RABGAP1L: variants seen among roughly 807,000 people sequenced by gnomAD.
RABGAP1L encodes the protein rab GTPase-activating protein 1-like.
Under a neutral mutation model 137.7 loss-of-function variants are expected in RABGAP1L, and 63 were observed. The ratio of observed to expected loss-of-function variants is 0.46; its 90% CI spans 0.37 to 0.56. RABGAP1L has a LOEUF of 0.56. Ranked by LOEUF, RABGAP1L falls within the 20% of genes least tolerant of loss-of-function variation. RABGAP1L has a pLI of 0.00. For missense variants in RABGAP1L, 1,095 were observed against 1,244.0 expected (o/e 0.88, Z 1.80); for synonymous variants, 431 against 433.7 (o/e 0.99, Z 0.08).
intron 11 of RABGAP1L, among the ~76,000 whole-genome samples, chr1:174,311,315 T>A (rs927889050): frequency 6.6e-6 from 1 of 152,128 alleles, no homozygotes; most frequent in African/African-American, 2.4e-5. Context: ...TGAGAATTCA[T>A]TCACTATCAT....
At chr1:174,704,281 C>G (rs1419511215) in intron 17 of RABGAP1L, among the ~76,000 whole-genome samples, 1 of 152,176 alleles carries the variant, frequency 6.6e-6, no homozygotes, top group African/African-American at 2.4e-5. Context: ...CCAGATTCCT[C>G]TTTCTTAAAA....
chr1:174,799,750 C>A, intron 18 of RABGAP1L: 1 of 755,894 alleles, frequency 1.3e-6, no homozygotes, highest in Non-Finnish European at 1.6e-6. Flanking sequence ...TACTGATTCA[C>A]AGCGAGAGGC....
chr1:174,218,439 T>G (rs192513283), intron 1 of RABGAP1L, among the ~76,000 whole-genome samples: 7 of 152,304 alleles, frequency 4.6e-5, no homozygotes. Flanking sequence ...GATATGATAG[T>G]GAGTGTTGTT....
chr1:174,571,096 A>G (rs1360163440), intron 13 of RABGAP1L, among the ~76,000 whole-genome samples: 2 of 152,220 alleles, frequency 1.3e-5, no homozygotes, highest in African/African-American at 4.8e-5. Context: ...ACATAAAAAG[A>G]AGGAGATCCA....
chr1:174,246,031 A>G (rs139822760), intron 5 of RABGAP1L: 16 of 152,306 alleles, frequency 1.1e-4, no homozygotes, highest in African/African-American at 3.4e-4. Flanking sequence ...GAAACTAGCT[A>G]TGTTATTTAT....
intron 13 of RABGAP1L, among the ~76,000 whole-genome samples, chr1:174,468,569 G>A (rs370059485): frequency 5.3e-5 from 8 of 152,134 alleles, no homozygotes; most frequent in South Asian, 2.1e-4. Context: ...ATATGACAGC[G>A]TGGGCAGATA....
At chr1:174,524,251 T>TATATAAATTCCATAG (rs1403699069) in intron 13 of RABGAP1L, among the ~76,000 whole-genome samples, 1 of 152,098 alleles carries the variant, frequency 6.6e-6, no homozygotes, top group Non-Finnish European at 1.5e-5. Flanking sequence ...GTGGTTGTAC[T>TATATAAATTCCATAG]GATTTATATT....
At chr1:174,781,381 T>A (rs1304320586) in intron 18 of RABGAP1L, among the ~76,000 whole-genome samples, 1 of 152,266 alleles carries the variant, frequency 6.6e-6, no homozygotes, top group African/African-American at 2.4e-5. Flanking sequence ...TTGAGAAGTG[T>A]CTCTTCATAT....
intron 13 of RABGAP1L, among the ~76,000 whole-genome samples, chr1:174,420,573 A>G (rs567129607): frequency 8.5e-5 from 13 of 152,240 alleles, no homozygotes; most frequent in Middle Eastern, 6.8e-3. Context: ...GTATTATTCT[A>G]AATTATCAAG....
intron 13 of RABGAP1L, among the ~76,000 whole-genome samples, chr1:174,516,512 T>C (rs56213002): frequency 0.39 from 58,892 of 151,950 alleles, 14,343 homozygotes; most frequent in African/African-American, 0.69. Context: ...AGCCACCATG[T>C]CTGGCCCTGT....
chr1:174,259,938 A>C (rs1207532716), intron 7 of RABGAP1L, among the ~76,000 whole-genome samples: 1 of 151,436 alleles, frequency 6.6e-6, no homozygotes, highest in Non-Finnish European at 1.5e-5. Context: ...GGGTTCAAGC[A>C]ATTCTTCTGC....
In RABGAP1L at chr1:174,923,856, G is replaced by A. The variant is rs1662221814; in HGVS notation, c.2341-33601G>A. 2.0e-5 allele frequency among the ~76,000 whole-genome samples: 3 copies of A among 150,614 alleles called. No homozygotes were observed. The South Asian group carries it at 6.3e-4, about 32-fold the overall frequency. Reference sequence around the variant, plus strand: ...AGATTGTGCCACTGCATTCCAGCCTGGGCGACTGAGCGAGACTGTCTCAAA... The same window carrying A: ...AGATTGTGCCACTGCATTCCAGCCTAGGCGACTGAGCGAGACTGTCTCAAA... On this transcript the variant is annotated intron_variant, in intron 19 of 25. Coordinates refer to ENST00000681986, the MANE Select transcript of RABGAP1L (RefSeq NM_001366446.1).
At chr1:174,334,869 C>T (rs1681341877) in intron 11 of RABGAP1L, among the ~76,000 whole-genome samples, 1 of 152,080 alleles carries the variant, frequency 6.6e-6, no homozygotes, top group African/African-American at 2.4e-5. Flanking sequence ...ATGAGAAAGA[C>T]TAGAAAAGCA....
At chr1:174,637,674 G>C (rs1415192725) in intron 14 of RABGAP1L, among the ~76,000 whole-genome samples, 186 bp downstream of exon 14, 1 of 152,120 alleles carries the variant, frequency 6.6e-6, no homozygotes, top group Non-Finnish European at 1.5e-5. Flanking sequence ...CATGTTTCGT[G>C]CCTCCTCATG....
At chr1:174,611,044 A>G (rs1004062598) in intron 13 of RABGAP1L, among the ~76,000 whole-genome samples, 1 of 149,372 alleles carries the variant, frequency 6.7e-6, no homozygotes, top group Admixed American at 6.6e-5. Context: ...TGCTGTGCAG[A>G]AGCTCTTTAG....
At chr1:174,238,434 C>T (rs994381531) in intron 4 of RABGAP1L, among the ~76,000 whole-genome samples, 3 of 152,126 alleles carry the variant, frequency 2.0e-5, no homozygotes, top group African/African-American at 4.8e-5. Context: ...TGGTGATGTA[C>T]AGATGGGTTT....
At chr1:174,327,994 T>TATATATATATATATATATATATACACAC (rs1680664369) in intron 11 of RABGAP1L, among the ~76,000 whole-genome samples, 1 of 77,394 alleles carries the variant, frequency 1.3e-5, no homozygotes, top group East Asian at 3.5e-4. Context: ...CACATATATA[T>TATATATATATATATATATATATACACAC]ATATATATAT....
rs1691385040 is a variant in RABGAP1L at position 174,824,614 on chromosome 1, T to C, written c.2340+12654T>C. Among the ~76,000 whole-genome samples, 3 of 152,306 alleles carry C rather than the reference T, an allele frequency of 2.0e-5. No homozygotes were observed. In the South Asian group the frequency reaches 6.2e-4, roughly 32 times the overall value. The stretch of plus-strand genomic sequence containing the variant: ...CTAAACACTTAAAGCACAACTGTTT[T>C]AGATACCAATGCCTGTACTCTGGGG... On this transcript the variant is annotated intron_variant, in intron 19 of 25. Transcript: ENST00000681986.
rs895204660 is a variant in RABGAP1L at position 174,238,376 on chromosome 1, T to C, written c.543-3107T>C. Among the ~76,000 whole-genome samples, 15 of 152,208 alleles carry C rather than the reference T, an allele frequency of 9.9e-5. No homozygotes were observed. In the South Asian group the frequency reaches 1.4e-3, roughly 15 times the overall value. ...TTTAGAGTTTCCAGTTTTTCTGTTC[T>C]GTTTTTTCCCCATCTTTGTGGTTTT... On this transcript the variant is annotated intron_variant, in intron 4 of 25. Transcript: ENST00000681986.
Sources: gnomAD v4.1 joint callset for allele counts (sites outside exome capture counted in the v4.1 genomes callset) on GRCh38, gnomAD v4.1.1 for gene constraint, MANE v1.5 for transcripts, NCBI Gene and HGNC (gene_info 2026-07-23, HGNC 2026-07-21) for gene names.